CPED1: variants seen among roughly 807,000 people sequenced by gnomAD.
CPED1 encodes the protein cadherin-like and PC-esterase domain-containing protein 1.
A neutral mutation model predicts 128.2 loss-of-function variants in CPED1; 114 were observed. The observed-to-expected ratio is 0.89, with a 90% CI of 0.76 to 1.04. CPED1 has a LOEUF of 1.04. Among genes scored for constraint, CPED1 ranks in the 50% least tolerant of loss-of-function variants. The pLI is 0.00. For synonymous variants in CPED1, 462 were observed against 426.7 expected (o/e 1.08, Z -1.02); for missense variants, 1,211 against 1,207.1 (o/e 1.00, Z -0.05).
At chr7:121,153,628 T>A (rs1258506321) in intron 16 of CPED1, among the ~76,000 whole-genome samples, 1 of 152,190 alleles carries the variant, frequency 6.6e-6, no homozygotes, top group Non-Finnish European at 1.5e-5. Flanking sequence ...ACATAGCTTG[T>A]AAGTAGCAGA....
At chr7:121,184,304 CT>C (rs1275816645) in intron 16 of CPED1, among the ~76,000 whole-genome samples, 3 of 151,904 alleles carry the variant, frequency 2.0e-5, no homozygotes, top group African/African-American at 7.3e-5. Flanking sequence ...TCTTAAGTTG[CT>C]GAAAAATCTG....
chr7:121,140,834 C>A lies in CPED1; in HGVS notation c.1707C>A (p.Asn569Lys), dbSNP rs751866149. The change falls in exon 15 of 23, where the codon AAC becomes AAA. Residue 569 changes from asparagine (N) to lysine (K), a missense_variant. By Grantham distance (94) the Asn-to-Lys change is moderately conservative. Coordinates refer to ENST00000310396, the MANE Select transcript of CPED1 (RefSeq NM_024913.5). ...TTTTTGTTTTTTTAACAGATGAAAA[C>A]ACACCATGTCATATCAAGCAGATCT... ...NKEIHCSDDENTPCHIKQIFT... is the reference protein window; with the variant it reads ...NKEIHCSDDEKTPCHIKQIFT... 3 of 1,608,218 alleles carry A rather than the reference C, an allele frequency of 1.9e-6. No individual in the cohort carries two copies. Among genetic ancestry groups the A allele is most frequent in the Non-Finnish European group, 1.7e-6 (2 of 1,177,440 alleles).
intron 16 of CPED1, among the ~76,000 whole-genome samples, chr7:121,227,048 A>G (rs1457732246): frequency 1.3e-5 from 2 of 152,098 alleles, no homozygotes; most frequent in East Asian, 3.9e-4. Context: ...AGCTAAATAG[A>G]TCATATGGGA....
intron 7 of CPED1, among the ~76,000 whole-genome samples, chr7:121,121,267 A>G (rs1451889584): frequency 6.6e-6 from 1 of 152,180 alleles, no homozygotes; most frequent in East Asian, 1.9e-4. Flanking sequence ...TTGTCCTTCC[A>G]TTTTTAATTA....
chr7:121,064,392 C>G (rs1793771155), intron 5 of CPED1, 79 bp downstream of exon 5: 1 of 947,006 alleles, frequency 1.1e-6, no homozygotes, highest in Non-Finnish European at 1.7e-6. Context: ...AACATGGTCT[C>G]AGGTCAGCAT....
intron 13 of CPED1, among the ~76,000 whole-genome samples, chr7:121,134,571 G>C (rs1795745876): frequency 6.6e-6 from 1 of 152,050 alleles, no homozygotes; most frequent in South Asian, 2.1e-4. Flanking sequence ...TGTTTAAATA[G>C]CTGGAAGAGA....
intron 16 of CPED1, among the ~76,000 whole-genome samples, chr7:121,224,198 G>T (rs1797949829): frequency 1.3e-5 from 2 of 152,206 alleles, no homozygotes; most frequent in Admixed American, 1.3e-4. Context: ...CTTTATTTCT[G>T]CCTTCATTTT....
At chr7:121,283,012 A>T (rs75452519) in intron 22 of CPED1, among the ~76,000 whole-genome samples, 3,692 of 152,310 alleles carry the variant, frequency 0.024, 176 homozygotes, top group African/African-American at 0.084. Flanking sequence ...CTTTTTCATT[A>T]CAAAAGGATT....
At chr7:121,036,455 C>T (rs530475595) in intron 3 of CPED1, among the ~76,000 whole-genome samples, 116 of 148,982 alleles carry the variant, frequency 7.8e-4, no homozygotes, top group Middle Eastern at 3.4e-3. Flanking sequence ...TTATTTCATT[C>T]CTTTTTATGG....
At chr7:121,015,609 C>A in intron 2 of CPED1, 56 bp from the exon 3 acceptor site, 1 of 1,466,190 alleles carries the variant, frequency 6.8e-7, no homozygotes, top group Non-Finnish European at 9.3e-7. Context: ...TCATGATGTC[C>A]TTCAAGGGAA....
At chr7:121,122,899 A>G (rs1226300487) in intron 7 of CPED1, among the ~76,000 whole-genome samples, 1 of 152,160 alleles carries the variant, frequency 6.6e-6, no homozygotes, top group Non-Finnish European at 1.5e-5. Flanking sequence ...CTACATAGAC[A>G]TTTCCAACTT....
At position 121,241,151 on chromosome 7, in the gene CPED1, G is replaced by A. The variant is rs1217355400; in HGVS notation, c.2174-3051G>A. On this transcript the variant is annotated intron_variant, in intron 17 of 22. Transcript: ENST00000310396. ...GAGGTCAGGAGATCGAGACCATCCC[G>A]GCTAAAACGGTGAAACCCCGTCTCT... 1.4e-4 allele frequency among the ~76,000 whole-genome samples: 8 copies of A among 58,332 alleles called. 1 individual carries two copies. Among genetic ancestry groups the A allele is most frequent in the African/African-American group, 5.2e-4 (7 of 13,520 alleles). The allele number at this position is 58,332 out of a possible 152,430, so 38.3% of individuals were successfully genotyped here.
At chr7:121,290,376 C>A (rs1792671593) in intron 22 of CPED1, among the ~76,000 whole-genome samples, 1 of 152,212 alleles carries the variant, frequency 6.6e-6, no homozygotes, top group Non-Finnish European at 1.5e-5. Flanking sequence ...CTTGAGGAAT[C>A]ACCACACTGT....
chr7:121,101,909 A>C (rs994162689), intron 7 of CPED1, among the ~76,000 whole-genome samples: 1 of 152,144 alleles, frequency 6.6e-6, no homozygotes, highest in African/African-American at 2.4e-5. Context: ...CCCCACCTCC[A>C]ACATTGGGGA....
chr7:121,165,509 A>G (rs1796503001), intron 16 of CPED1, among the ~76,000 whole-genome samples: 1 of 152,188 alleles, frequency 6.6e-6, no homozygotes, highest in Non-Finnish European at 1.5e-5. Flanking sequence ...TTCAATCATG[A>G]AAGAGTGATA....
intron 16 of CPED1, among the ~76,000 whole-genome samples, chr7:121,172,557 A>T (rs1392047707): frequency 6.6e-6 from 1 of 152,076 alleles, no homozygotes; most frequent in African/African-American, 2.4e-5. Flanking sequence ...CAGAATTTTG[A>T]TTTATGTGTC....
At chr7:121,059,140 G>C (rs1793584910) in intron 4 of CPED1, among the ~76,000 whole-genome samples, 1 of 152,146 alleles carries the variant, frequency 6.6e-6, no homozygotes, top group South Asian at 2.1e-4. Flanking sequence ...CAAGTAGACA[G>C]GTGCTAGTGT....
At chr7:121,085,955 T>A (rs1794417416) in intron 5 of CPED1, among the ~76,000 whole-genome samples, 1 of 152,172 alleles carries the variant, frequency 6.6e-6, no homozygotes, top group Non-Finnish European at 1.5e-5. Context: ...CCTTCACATA[T>A]AAAGCCGTAA....
Position 121,044,648 on chromosome 7 carries a change from C to CTTTTTTTTTTTTTTTTTTTTTTTTTTTT in CPED1, c.434-2238_434-2237insTTTTTTTTTTTTTTTTTTTTTTTTTTTT, listed in dbSNP as rs35159862. 1.0e-3 allele frequency among the ~76,000 whole-genome samples: 71 copies of CTTTTTTTTTTTTTTTTTTTTTTTTTTTT among 69,522 alleles called. 23 individuals carry two copies. Among genetic ancestry groups the CTTTTTTTTTTTTTTTTTTTTTTTTTTTT allele is most frequent in the East Asian group, 2.9e-3 (6 of 2,064 alleles). The allele number at this position is 69,522 out of a possible 152,430, so 45.6% of individuals were successfully genotyped here. ...GATTGCTGAGAGCAGTGACTTTCTGCTCTTTTTTTTTTTTTTTTTTTGCTA... is the reference window on the plus strand; with the variant it reads ...GATTGCTGAGAGCAGTGACTTTCTGCTTTTTTTTTTTTTTTTTTTTTTTTTTTTTCTTTTTTTTTTTTTTTTTTTGCTA... On this transcript the variant is annotated intron_variant, in intron 3 of 22. Transcript: ENST00000310396.
Sources: allele counts gnomAD v4.1 joint callset (sites outside exome capture counted in the v4.1 genomes callset), GRCh38; gene constraint gnomAD v4.1.1; transcripts MANE v1.5; gene names NCBI Gene and HGNC (gene_info 2026-07-23, HGNC 2026-07-21).